The following PDE10A variants were observed in gnomAD, a reference collection of about 807,000 sequenced individuals.
PDE10A encodes the protein cAMP and cAMP-inhibited cGMP 3',5'-cyclic phosphodiesterase 10A.
In PDE10A, 39 loss-of-function variants were observed where a neutral mutation model predicts 97.7. The ratio of observed to expected loss-of-function variants is 0.40; its 90% CI spans 0.31 to 0.52. The LOEUF is 0.52. PDE10A is among the 20% of genes least tolerant of loss of function. PDE10A has a pLI of 0.56. For missense variants in PDE10A, 731 were observed against 1,047.8 expected, an observed-to-expected ratio of 0.70 and a Z score of 4.17; for synonymous variants, 371 against 376.8, an observed-to-expected ratio of 0.98 and a Z score of 0.18.
At chr6:165,641,999 G>C (rs867091827) in intron 1 of PDE10A, among the ~76,000 whole-genome samples, 1 of 137,690 alleles carries the variant, frequency 7.3e-6, no homozygotes, top group Non-Finnish European at 1.6e-5. Flanking sequence ...ACGCCCATTC[G>C]GGGCGTGGAA....
chr6:165,426,329 C>T (rs1789165922), intron 10 of PDE10A, among the ~76,000 whole-genome samples: 1 of 152,046 alleles, frequency 6.6e-6, no homozygotes, highest in Non-Finnish European at 1.5e-5. Flanking sequence ...CTGGCATTAC[C>T]ACAGACATAT....
chr6:165,951,475 T>C (rs140469552), intron 1 of PDE10A, among the ~76,000 whole-genome samples: 4 of 152,112 alleles, frequency 2.6e-5, no homozygotes, highest in Non-Finnish European at 5.9e-5. Context: ...CCACAGCTCC[T>C]TGGTTGATTT....
chr6:165,756,082 A>T (rs1318061479), intron 1 of PDE10A, among the ~76,000 whole-genome samples: 1 of 152,148 alleles, frequency 6.6e-6, no homozygotes, highest in Non-Finnish European at 1.5e-5. Context: ...AATACCAGCA[A>T]ATGAGGCTCT....
At chr6:165,679,940 A>G (rs2128439160) in intron 1 of PDE10A, among the ~76,000 whole-genome samples, 1 of 152,048 alleles carries the variant, frequency 6.6e-6, no homozygotes, top group Admixed American at 6.6e-5. Flanking sequence ...CATGGTGGAC[A>G]TTGTTGAGTA....
chr6:165,987,202 T>C (rs1785250294), intron 1 of PDE10A, among the ~76,000 whole-genome samples: 1 of 152,092 alleles, frequency 6.6e-6, no homozygotes, highest in Admixed American at 6.5e-5. Context: ...GCTCTCAAAC[T>C]CCTCGGATCA....
intron 1 of PDE10A, among the ~76,000 whole-genome samples, chr6:165,549,580 T>C (rs1404071685): frequency 6.6e-6 from 1 of 152,162 alleles, no homozygotes; most frequent in Non-Finnish European, 1.5e-5. Context: ...CACCTTGGCC[T>C]CCCGAAGTGC....
chr6:165,672,852 T>C (rs1790686759), intron 1 of PDE10A, among the ~76,000 whole-genome samples: 1 of 152,242 alleles, frequency 6.6e-6, no homozygotes, highest in South Asian at 2.1e-4. Flanking sequence ...CGGTTTCTCC[T>C]GAATACCTAT....
At chr6:165,754,604 A>G (rs1277079323) in intron 1 of PDE10A, among the ~76,000 whole-genome samples, 2 of 152,200 alleles carry the variant, frequency 1.3e-5, no homozygotes, top group Non-Finnish European at 2.9e-5. Context: ...GTGTGTGTAT[A>G]CATATTTATG....
At chr6:165,439,149 G>C (rs73788387) in intron 5 of PDE10A, among the ~76,000 whole-genome samples, 5,371 of 151,988 alleles carry the variant, frequency 0.035, 335 homozygotes, top group African/African-American at 0.12. Flanking sequence ...AGATTAATAA[G>C]ATAAAAAACC....
At chr6:165,944,306 G>A (rs936534584) in intron 1 of PDE10A, among the ~76,000 whole-genome samples, 6 of 152,140 alleles carry the variant, frequency 3.9e-5, no homozygotes, top group East Asian at 3.9e-4. Flanking sequence ...CCATATCACC[G>A]TCTCTTTAAT....
At chr6:165,825,044 G>A (rs954179655) in intron 1 of PDE10A, among the ~76,000 whole-genome samples, 8 of 150,374 alleles carry the variant, frequency 5.3e-5, no homozygotes, top group South Asian at 2.1e-4. Flanking sequence ...AGCTACTCGG[G>A]AGGCTGAGGC....
At chr6:165,459,322 G>A (rs1383670454) in intron 3 of PDE10A, among the ~76,000 whole-genome samples, 5 of 151,992 alleles carry the variant, frequency 3.3e-5, no homozygotes, top group Admixed American at 2.0e-4. Flanking sequence ...CTTTTCACAC[G>A]TCCTAATGAT....
At chr6:165,593,774 G>T (rs1316802918) in intron 1 of PDE10A, among the ~76,000 whole-genome samples, 1 of 152,152 alleles carries the variant, frequency 6.6e-6, no homozygotes, top group Non-Finnish European at 1.5e-5. Flanking sequence ...CTAATATTAT[G>T]AAGTATGTAG....
intron 1 of PDE10A, among the ~76,000 whole-genome samples, chr6:165,706,419 T>C (rs186403095): frequency 1.3e-5 from 2 of 152,302 alleles, no homozygotes; most frequent in East Asian, 3.9e-4. Context: ...TTATTGCCAT[T>C]GTAAGTCAAT....
intron 2 of PDE10A, among the ~76,000 whole-genome samples, chr6:165,494,818 T>C (rs952201942): frequency 2.6e-5 from 4 of 152,136 alleles, no homozygotes; most frequent in African/African-American, 7.2e-5. Context: ...GGAAAAGAAA[T>C]TTAAGTCACA....
At chr6:165,758,767 G>A (rs1055214051) in intron 1 of PDE10A, among the ~76,000 whole-genome samples, 5 of 152,102 alleles carry the variant, frequency 3.3e-5, no homozygotes, top group African/African-American at 9.7e-5. Flanking sequence ...AGGATTTAAT[G>A]AGGCTAACTC....
Position 165,330,382 on chromosome 6 carries a change from T to C in PDE10A, c.*2643A>G, listed in dbSNP as rs561894782. 7 of 152,298 alleles carry C rather than the reference T, an allele frequency of 4.6e-5. No individual in the cohort carries two copies. The East Asian group carries it at 1.3e-3, about 29-fold the overall frequency. The allele number at this position is 152,298 out of a possible 1,614,324, so 9.4% of individuals were successfully genotyped here. On this transcript the variant is annotated 3_prime_UTR_variant, in exon 22 of 22. Transcript: ENST00000539869. The stretch of plus-strand genomic sequence containing the variant: ...CCCGAAAGTCTGTCTCCTAAACATC[T>C]GACAAAATACAAAAATACTCCTAAC...
At chr6:165,565,176 A>G (rs373720781) in intron 1 of PDE10A, among the ~76,000 whole-genome samples, 1 of 152,222 alleles carries the variant, frequency 6.6e-6, no homozygotes, top group African/African-American at 2.4e-5. Flanking sequence ...TTCACAGATG[A>G]CATGACTGTC....
chr6:165,653,900 A>T (rs967209431), intron 1 of PDE10A, among the ~76,000 whole-genome samples: 1 of 152,014 alleles, frequency 6.6e-6, no homozygotes, highest in African/African-American at 2.4e-5. Flanking sequence ...AAAGCCCCCC[A>T]GCCATGAGAT....
Sources: gnomAD v4.1 joint callset for allele counts (sites outside exome capture counted in the v4.1 genomes callset) on GRCh38, gnomAD v4.1.1 for gene constraint, MANE v1.5 for transcripts, NCBI Gene and HGNC (gene_info 2026-07-23, HGNC 2026-07-21) for gene names.